KIF13A: variants seen among roughly 807,000 people sequenced by gnomAD.
The protein encoded by KIF13A is kinesin family member 13A, also known as kinesin-like protein KIF13A.
KIF13A carries 79 observed loss-of-function variants against 212.2 expected under a neutral mutation model. The ratio of observed to expected loss-of-function variants is 0.37; its 90% CI spans 0.31 to 0.45. The LOEUF is 0.45. Ranked by LOEUF, KIF13A falls within the 20% of genes least tolerant of loss-of-function variation. The pLI is 1.00. For synonymous variants in KIF13A, 789 were observed against 808.6 expected, an observed-to-expected ratio of 0.98 and a Z score of 0.41; for missense variants, 1,901 against 2,209.0, an observed-to-expected ratio of 0.86 and a Z score of 2.79.
rs140309316 is a variant in KIF13A, at chr6:17,878,279, C to G, written c.160-4842G>C. Among the ~76,000 whole-genome samples the G allele has an allele frequency of 3.2e-3, 490 of 152,286 alleles. 6 individuals carry two copies. Among genetic ancestry groups the G allele is most frequent in the African/African-American group, 0.011 (450 of 41,562 alleles). On this transcript the variant is annotated intron_variant, in intron 3 of 38. Coordinates refer to ENST00000259711, the MANE Select transcript of KIF13A (RefSeq NM_022113.6). ...AATAGCAGGTGCAAAGGCACTGGGGCAGAGAGTGCCTGTGTGTTCAAGGAC... is the reference window on the plus strand; with the variant it reads ...AATAGCAGGTGCAAAGGCACTGGGGGAGAGAGTGCCTGTGTGTTCAAGGAC...
intron 2 of KIF13A, among the ~76,000 whole-genome samples, chr6:17,936,775 G>T (rs973982330): frequency 2.0e-5 from 3 of 152,114 alleles, no homozygotes; most frequent in African/African-American, 7.2e-5. Context: ...TCAAAAAAAT[G>T]TAATGAATGA....
At chr6:17,946,001 T>TA (rs1390424662) in intron 2 of KIF13A, among the ~76,000 whole-genome samples, 1 of 151,988 alleles carries the variant, frequency 6.6e-6, no homozygotes, top group African/African-American at 2.4e-5. Flanking sequence ...TCATACTGTT[T>TA]AAAAAAATAA....
intron 25 of KIF13A, among the ~76,000 whole-genome samples, chr6:17,790,756 A>C (rs997390784): frequency 2.6e-5 from 4 of 152,156 alleles, no homozygotes; most frequent in Non-Finnish European, 5.9e-5. Flanking sequence ...AGCTGGGGCA[A>C]CCTCAGGCTA....
intron 2 of KIF13A, among the ~76,000 whole-genome samples, chr6:17,922,672 G>A (rs1345583173): frequency 6.6e-6 from 1 of 151,498 alleles, no homozygotes; most frequent in East Asian, 1.9e-4. Flanking sequence ...TTATTTAGAA[G>A]GACACTCCTT....
intron 2 of KIF13A, among the ~76,000 whole-genome samples, chr6:17,927,590 G>C (rs1775596884): frequency 6.6e-6 from 1 of 152,200 alleles, no homozygotes; most frequent in Admixed American, 6.5e-5. Context: ...AAAATGAATA[G>C]TGGTGATGGC....
intron 20 of KIF13A, 66 bp from the exon 21 acceptor site, chr6:17,800,179 A>G: frequency 6.7e-7 from 1 of 1,488,246 alleles, no homozygotes; most frequent in Admixed American, 2.0e-5. Flanking sequence ...GACCCAAGAC[A>G]GACGTGCCTT....
intron 25 of KIF13A, among the ~76,000 whole-genome samples, chr6:17,790,810 T>C (rs1359229): frequency 0.67 from 102,476 of 152,004 alleles, 35,001 homozygotes; most frequent in East Asian, 0.79. Context: ...ATAAAAGCAA[T>C]AGCATACTAT....
chr6:17,805,253 A>G (rs2150339635), intron 19 of KIF13A, among the ~76,000 whole-genome samples: 1 of 152,334 alleles, frequency 6.6e-6, no homozygotes, highest in East Asian at 1.9e-4. Context: ...TTCTTCATTT[A>G]GTTCCCAACT....
chr6:17,860,830 A>C (rs1039029105), intron 4 of KIF13A, among the ~76,000 whole-genome samples: 2 of 152,170 alleles, frequency 1.3e-5, no homozygotes, highest in African/African-American at 2.4e-5. Flanking sequence ...AATGAATCCC[A>C]TAAGACTACA....
chr6:17,881,855 G>T (rs1040861208), intron 3 of KIF13A: 1 of 368,164 alleles, frequency 2.7e-6, no homozygotes, highest in Admixed American at 3.3e-5. Context: ...AATTAGCTGG[G>T]TATGGTGGCA....
In KIF13A at chr6:17,886,683, G is replaced by A. The variant is rs912160300; in HGVS notation, c.159+11485C>T. Among the ~76,000 whole-genome samples the A allele has an allele frequency of 1.3e-5, 2 of 152,148 alleles. No individual in the cohort carries two copies. The highest frequency in any genetic ancestry group is 4.8e-5 in the African/African-American group (2 of 41,426). Reference sequence around the variant, plus strand: ...AGAAGGAAAGGGGAGAGTAGAACCTGTAGGAATTTCAAGATAGAAACACAC... The same window carrying A: ...AGAAGGAAAGGGGAGAGTAGAACCTATAGGAATTTCAAGATAGAAACACAC... On this transcript the variant is annotated intron_variant, in intron 3 of 38. Coordinates refer to ENST00000259711, the MANE Select transcript of KIF13A (RefSeq NM_022113.6). This position sits in a 1 kb window ranked among gnomAD's most constrained non-coding sequence, Gnocchi z 5.6.
intron 9 of KIF13A, among the ~76,000 whole-genome samples, chr6:17,847,120 TAC>T (rs147783786): frequency 3.9e-5 from 6 of 151,952 alleles, no homozygotes; most frequent in Non-Finnish European, 5.9e-5. Flanking sequence ...ACGCCAGTCA[TAC>T]ACACACACAC....
intron 6 of KIF13A, among the ~76,000 whole-genome samples, chr6:17,853,045 A>G (rs1275942160): frequency 1.3e-5 from 2 of 152,222 alleles, no homozygotes; most frequent in Non-Finnish European, 2.9e-5. Flanking sequence ...TCACATATTA[A>G]TCATCTTTCA....
At chr6:17,845,012 T>C (rs1004961868) in intron 9 of KIF13A, among the ~76,000 whole-genome samples, 8 of 152,160 alleles carry the variant, frequency 5.3e-5, no homozygotes, top group African/African-American at 1.9e-4. Context: ...CAAGACTGGG[T>C]AATTTTTAAA....
At position 17,967,278 on chromosome 6, in the gene KIF13A, G is replaced by C. The variant is rs1248885262; in HGVS notation, c.146+19776C>G. On this transcript the variant is annotated intron_variant, in intron 2 of 38. Coordinates refer to ENST00000259711, the MANE Select transcript of KIF13A (RefSeq NM_022113.6). The surrounding 1 kb of genome is among the most constrained non-coding windows in gnomAD (Gnocchi z 4.1). ...GTGTTTTCATAATCTTAAAAACTCA[G>C]TAGTTATTCACTCAGTGGTATAAAC... 6.6e-6 allele frequency among the ~76,000 whole-genome samples: 1 copy of C among 152,162 alleles called. No individual in the cohort carries two copies. The highest frequency in any genetic ancestry group is 2.4e-5 in the African/African-American group (1 of 41,432).
At chr6:17,778,147 TAAAC>T (rs1561959124) in intron 33 of KIF13A, among the ~76,000 whole-genome samples, 1 of 151,950 alleles carries the variant, frequency 6.6e-6, no homozygotes. Context: ...CAAAAATAAA[TAAAC>T]AAATAAATAA....
intron 2 of KIF13A, among the ~76,000 whole-genome samples, chr6:17,940,826 T>TTA (rs1554119580): frequency 2.0e-5 from 3 of 149,576 alleles, no homozygotes; most frequent in African/African-American, 7.5e-5. Flanking sequence ...TATTTTTTTT[T>TTA]TTTTTTTTTT....
rs1413297492 is a variant in KIF13A, at chr6:17,947,864, A to C, written c.146+39190T>G. 6.6e-6 allele frequency among the ~76,000 whole-genome samples: 1 copy of C among 152,180 alleles called. No homozygotes were observed. Among genetic ancestry groups the C allele is most frequent in the Admixed American group, 6.5e-5 (1 of 15,270 alleles). ...TCAAAAAAAAAAAGAAAGCACACCA[A>C]GTATTAAGGGCTAAAGGGCTGTATG... On this transcript the variant is annotated intron_variant, in intron 2 of 38. Coordinates refer to ENST00000259711, the MANE Select transcript of KIF13A (RefSeq NM_022113.6). The surrounding 1 kb of genome is among the most constrained non-coding windows in gnomAD (Gnocchi z 4.6).
Position 17,763,897 on chromosome 6 carries a change from C to A in KIF13A, c.*213G>T, listed in dbSNP as rs1010117369. ...TCTGAACACTTCATTCAACACCAAC[C>A]CATGTGCCAGGTAAAAAAATCCACT... On this transcript the variant is annotated 3_prime_UTR_variant, in exon 39 of 39. Coordinates refer to ENST00000259711, the MANE Select transcript of KIF13A (RefSeq NM_022113.6). The A allele has an allele frequency of 4.2e-5, 60 of 1,414,824 alleles. No individual in the cohort carries two copies. Among genetic ancestry groups the A allele is most frequent in the Non-Finnish European group, 5.2e-5 (57 of 1,088,602 alleles). 87.6% of individuals were successfully genotyped at this position (1,414,824 alleles called of 1,614,324 possible).
Sources: allele counts gnomAD v4.1 joint callset (sites outside exome capture counted in the v4.1 genomes callset), GRCh38; gene constraint gnomAD v4.1.1; non-coding constraint Gnocchi (gnomAD v3.1); transcripts MANE v1.5; gene names NCBI Gene and HGNC (gene_info 2026-07-23, HGNC 2026-07-21).